TP63: variants seen among roughly 807,000 people sequenced by gnomAD.
TP63 encodes the protein tumor protein 63.
TP63 carries 17 observed loss-of-function variants against 82.8 expected under a neutral mutation model. The ratio of observed to expected loss-of-function variants is 0.21; its 90% CI spans 0.14 to 0.31. TP63 has a LOEUF of 0.31. Ranked by LOEUF, TP63 falls within the 10% of genes least tolerant of loss-of-function variation. The pLI is 1.00. For missense variants in TP63, 648 were observed against 895.3 expected, an observed-to-expected ratio of 0.72 and a Z score of 3.52; for synonymous variants, 330 against 321.7, an observed-to-expected ratio of 1.03 and a Z score of -0.28.
chr3:189,739,348 T>C (rs915557471), intron 3 of TP63, among the ~76,000 whole-genome samples: 1 of 152,172 alleles, frequency 6.6e-6, no homozygotes, highest in Non-Finnish European at 1.5e-5. Flanking sequence ...ACTCTTGCCT[T>C]CCTGTGATCT....
chr3:189,632,695 TTGG>T (rs1223700436), intron 1 of TP63, among the ~76,000 whole-genome samples: 2 of 152,080 alleles, frequency 1.3e-5, no homozygotes, highest in Admixed American at 1.3e-4. Context: ...GTGGAATTTG[TTGG>T]TGGTGGCTTG....
intron 1 of TP63, among the ~76,000 whole-genome samples, chr3:189,651,320 T>C (rs6785679): frequency 0.88 from 128,252 of 145,748 alleles, 59,603 homozygotes; most frequent in Non-Finnish European, 0.98. Context: ...CCAAGGCAGG[T>C]GGATAACTTG....
At chr3:189,813,784 G>A (rs1727852448) in intron 4 of TP63, among the ~76,000 whole-genome samples, 1 of 152,042 alleles carries the variant, frequency 6.6e-6, no homozygotes, top group South Asian at 2.1e-4. Context: ...TTTAATAAAT[G>A]GGAAGGAACT....
intron 3 of TP63, among the ~76,000 whole-genome samples, chr3:189,775,552 T>C (rs1223223404): frequency 2.6e-5 from 4 of 152,166 alleles, no homozygotes; most frequent in Non-Finnish European, 1.5e-5. Flanking sequence ...TTGGATCGAG[T>C]TTTTTGTAAA....
rs529533714 is a variant in TP63, at chr3:189,728,263, G to T, written c.63-9477G>T. ...ATCTGTCCAAAAAATAAAAAACAAGGAAAATAATGTTTTTTAAGTGTCAGT... is the reference window on the plus strand; with the variant it reads ...ATCTGTCCAAAAAATAAAAAACAAGTAAAATAATGTTTTTTAAGTGTCAGT... On this transcript the variant is annotated intron_variant, in intron 1 of 13. Coordinates refer to ENST00000264731, the MANE Select transcript of TP63 (RefSeq NM_003722.5). 4.6e-5 allele frequency among the ~76,000 whole-genome samples: 7 copies of T among 152,034 alleles called. No individual in the cohort carries two copies. In the South Asian group the frequency reaches 1.2e-3, roughly 27 times the overall value.
At chr3:189,788,147 A>G (rs1467951024) in intron 3 of TP63, among the ~76,000 whole-genome samples, 1 of 151,608 alleles carries the variant, frequency 6.6e-6, no homozygotes, top group Admixed American at 6.6e-5. Flanking sequence ...AAGAGAGATC[A>G]TTCTTCCCAA....
At chr3:189,744,239 G>A (rs957561429) in intron 3 of TP63, among the ~76,000 whole-genome samples, 10 of 152,274 alleles carry the variant, frequency 6.6e-5, no homozygotes, top group South Asian at 2.1e-4. Flanking sequence ...CTCACTGCCC[G>A]CAGCTGCTGT....
intron 1 of TP63, among the ~76,000 whole-genome samples, chr3:189,655,013 G>A (rs1713213792): frequency 6.6e-6 from 1 of 152,116 alleles, no homozygotes. Flanking sequence ...CTACTGCAGT[G>A]CTGTTAAGTC....
upstream of TP63, chr3:189,631,293 A>G (rs1729442154): frequency 7.4e-7 from 1 of 1,355,874 alleles, no homozygotes. Flanking sequence ...TCGAGTGTTT[A>G]TGAAGTTTTA....
intron 3 of TP63, among the ~76,000 whole-genome samples, chr3:189,761,630 A>C (rs1339969121): frequency 6.6e-6 from 1 of 152,156 alleles, no homozygotes; most frequent in Non-Finnish European, 1.5e-5. Flanking sequence ...CAAACTGTTC[A>C]ACCTCTGCCC....
intron 4 of TP63, among the ~76,000 whole-genome samples, chr3:189,826,363 C>T (rs1247335804): frequency 6.6e-6 from 1 of 152,178 alleles, no homozygotes; most frequent in Non-Finnish European, 1.5e-5. Flanking sequence ...GCTTATACTA[C>T]TTGAAAAATG....
At chr3:189,744,552 A>C (rs919193125) in intron 3 of TP63, among the ~76,000 whole-genome samples, 2 of 152,036 alleles carry the variant, frequency 1.3e-5, no homozygotes, top group African/African-American at 4.8e-5. Context: ...GGTCACGCCC[A>C]CCCAACCACT....
chr3:189,745,337 A>C (rs970273676), intron 3 of TP63, among the ~76,000 whole-genome samples: 88 of 152,246 alleles, frequency 5.8e-4, no homozygotes, highest in Non-Finnish European at 1.1e-3. Flanking sequence ...ATATAGGAGA[A>C]TACCAAAAAG....
In TP63 at chr3:189,789,329, A is replaced by G. The variant is rs1724886830; in HGVS notation, c.325-18943A>G. On this transcript the variant is annotated intron_variant, in intron 3 of 13. Transcript: ENST00000264731. ...CTTTTCAGTTACAAAGAGTAAAATAACTTTCTGAAATGCCTTCTGTAAATC... is the reference window on the plus strand; with the variant it reads ...CTTTTCAGTTACAAAGAGTAAAATAGCTTTCTGAAATGCCTTCTGTAAATC... Among the ~76,000 whole-genome samples the G allele has an allele frequency of 2.0e-5, 3 of 152,058 alleles. No homozygotes were observed. The South Asian group carries it at 6.2e-4, about 31-fold the overall frequency.
chr3:189,678,989 A>G (rs11922439), intron 1 of TP63, among the ~76,000 whole-genome samples: 2,408 of 152,138 alleles, frequency 0.016, 61 homozygotes, highest in African/African-American at 0.055. Flanking sequence ...CCCCAAATTT[A>G]CTGAAGTTAC....
intron 3 of TP63, among the ~76,000 whole-genome samples, chr3:189,751,906 C>G (rs558634134): frequency 5.7e-4 from 87 of 152,224 alleles, no homozygotes; most frequent in Admixed American, 1.5e-3. Flanking sequence ...TGCCTATGTC[C>G]TCCCTTTTAT....
intron 4 of TP63, among the ~76,000 whole-genome samples, chr3:189,814,799 A>G (rs1560212092): frequency 6.6e-6 from 1 of 152,214 alleles, no homozygotes; most frequent in Non-Finnish European, 1.5e-5. Flanking sequence ...GATTGACTCT[A>G]GGTTAACGTA....
intron 10 of TP63, among the ~76,000 whole-genome samples, chr3:189,875,519 T>G (rs1454001183): frequency 2.1e-5 from 3 of 141,262 alleles, no homozygotes; most frequent in Non-Finnish European, 1.6e-5. Flanking sequence ...TGAGCCAAGA[T>G]TGTGCCACTG....
intron 10 of TP63, among the ~76,000 whole-genome samples, chr3:189,883,361 A>G (rs975297886): frequency 3.9e-5 from 6 of 152,118 alleles, no homozygotes; most frequent in African/African-American, 1.4e-4. Flanking sequence ...TCACTTTCAT[A>G]TTAAAGGGAA....
Sources: allele counts gnomAD v4.1 joint callset (sites outside exome capture counted in the v4.1 genomes callset), GRCh38; gene constraint gnomAD v4.1.1; transcripts MANE v1.5; gene names NCBI Gene and HGNC (gene_info 2026-07-23, HGNC 2026-07-21).